Variants in SHANK2 observed in about 807,000 individuals in gnomAD.
SHANK2 encodes SH3 and multiple ankyrin repeat domains 2.
Under a neutral mutation model 133.7 loss-of-function variants are expected in SHANK2, and 43 were observed. The observed-to-expected ratio is 0.32, with a 90% CI of 0.25 to 0.41. SHANK2 has a LOEUF of 0.41. Ranked by LOEUF, SHANK2 falls within the 10% of genes least tolerant of loss-of-function variation. SHANK2 has a pLI of 1.00. For synonymous variants in SHANK2, 1,017 were observed against 952.8 expected (o/e 1.07, Z -1.24); for missense variants, 1,994 against 2,235.8 (o/e 0.89, Z 2.18).
chr11:71,158,421 A>G (rs1474706284), intron 2 of SHANK2, among the ~76,000 whole-genome samples: 1 of 152,272 alleles, frequency 6.6e-6, no homozygotes, highest in African/African-American at 2.4e-5. Flanking sequence ...ACCTTTGTGG[A>G]GAAAAGTAAT....
At position 70,820,529 on chromosome 11, in the gene SHANK2, C is replaced by T. The variant is rs782229916; in HGVS notation, c.1328G>A (p.Arg443His). 35 of 716,918 alleles carry T rather than the reference C, an allele frequency of 4.9e-5. No individual in the cohort carries two copies. Among genetic ancestry groups the T allele is most frequent in the South Asian group, 8.9e-5 (6 of 67,584 alleles). 44.4% of individuals were successfully genotyped at this position (716,918 alleles called of 1,614,324 possible). A position where few individuals can be genotyped will look rare whatever the true frequency, so the allele number is the denominator to read the frequency against. The change falls in exon 12 of 26, where the codon CGC becomes CAC. Residue 443 changes from arginine (R) to histidine (H), a missense_variant. By Grantham distance (29) the Arg-to-His change is conservative. Transcript: ENST00000601538. ...WAVCSTATSH[R>H]SLSPQLLQQM... ...CTGCAGCAGCTGGGGTGACAGGCTG[C>T]GGTGCGAGGTGGCCGTGGAGCAGAC... is the stretch of plus-strand genomic sequence containing the variant.
chr11:70,643,499 G>T (rs889680994), intron 17 of SHANK2, among the ~76,000 whole-genome samples: 2 of 151,078 alleles, frequency 1.3e-5, no homozygotes, highest in Non-Finnish European at 2.9e-5. Context: ...AGGAGGCGGA[G>T]CTTGCAGTGA....
intron 2 of SHANK2, among the ~76,000 whole-genome samples, chr11:71,163,416 G>A (rs190413345): frequency 6.6e-6 from 1 of 152,176 alleles, no homozygotes; most frequent in African/African-American, 2.4e-5. Flanking sequence ...ATGTGCTTGT[G>A]GGGGGATCTC....
chr11:70,651,798 C>A (rs1399494170), intron 17 of SHANK2, among the ~76,000 whole-genome samples: 1 of 152,166 alleles, frequency 6.6e-6, no homozygotes, highest in African/African-American at 2.4e-5. Flanking sequence ...TCAGCAGTCA[C>A]CCTGGGTTCC....
intron 3 of SHANK2, among the ~76,000 whole-genome samples, chr11:71,140,016 G>A (rs1353059867): frequency 6.6e-6 from 1 of 152,156 alleles, no homozygotes; most frequent in African/African-American, 2.4e-5. Flanking sequence ...CTGGGGCCTC[G>A]GTGCAGACTC....
intron 11 of SHANK2, among the ~76,000 whole-genome samples, chr11:70,829,507 C>A (rs530692696): frequency 6.6e-6 from 1 of 152,270 alleles, no homozygotes; most frequent in African/African-American, 2.4e-5. Context: ...TCTGCCCCGC[C>A]CACCCCCACC....
chr11:71,190,954 T>TG (rs1953781140), intron 2 of SHANK2, among the ~76,000 whole-genome samples: 1 of 151,786 alleles, frequency 6.6e-6, no homozygotes, highest in East Asian at 1.9e-4. Flanking sequence ...TCCCATGCAA[T>TG]GGGAGAAAGG....
At chr11:71,170,445 C>T (rs914410932) in intron 2 of SHANK2, among the ~76,000 whole-genome samples, 1 of 152,230 alleles carries the variant, frequency 6.6e-6, no homozygotes, top group Admixed American at 6.5e-5. Context: ...AACAATTAAA[C>T]TCAGCCGTGT....
At position 71,224,788 on chromosome 11, in the gene SHANK2, T is replaced by A. The variant is rs1954613932; in HGVS notation, c.-104A>T. On this transcript the variant is annotated 5_prime_UTR_variant, in exon 2 of 26. Coordinates refer to ENST00000601538, the MANE Select transcript of SHANK2 (RefSeq NM_012309.5). ...GGCCAAAGCAGGGTGCCTGGAGAGA[T>A]TTCCAGACCTGTGGAGAGATAATGA... 6.6e-6 allele frequency: 1 copy of A among 152,170 alleles called. No individual in the cohort carries two copies. The highest frequency in any genetic ancestry group is 2.4e-5 in the African/African-American group (1 of 41,420). 9.4% of individuals were successfully genotyped at this position (152,170 alleles called of 1,614,324 possible). A position where few individuals can be genotyped will look rare whatever the true frequency, so the allele number is the denominator to read the frequency against.
chr11:71,232,033 T>C (rs551801518), intron 1 of SHANK2, among the ~76,000 whole-genome samples: 4 of 152,128 alleles, frequency 2.6e-5, no homozygotes, highest in Non-Finnish European at 5.9e-5. Flanking sequence ...GGAACATTAC[T>C]CAGCAATAAA....
intron 8 of SHANK2, among the ~76,000 whole-genome samples, chr11:71,084,564 G>A (rs1951352255): frequency 6.6e-6 from 1 of 152,242 alleles, no homozygotes; most frequent in Non-Finnish European, 1.5e-5. Flanking sequence ...CCAGGTGCTA[G>A]AACAGAGACA....
chr11:70,924,608 G>C (rs1401364625), intron 10 of SHANK2, among the ~76,000 whole-genome samples: 3 of 152,142 alleles, frequency 2.0e-5, no homozygotes, highest in African/African-American at 7.2e-5. Context: ...AGGCACCCGT[G>C]ACCATGCCCG....
At chr11:70,632,968 G>A (rs373433808) in intron 17 of SHANK2, among the ~76,000 whole-genome samples, 33 of 152,074 alleles carry the variant, frequency 2.2e-4, no homozygotes, top group Middle Eastern at 6.8e-3. Context: ...ATGGATACGG[G>A]GCAGGGGGAC....
chr11:70,809,263 C>T (rs1555052710), intron 12 of SHANK2, among the ~76,000 whole-genome samples: 1 of 151,796 alleles, frequency 6.6e-6, no homozygotes, highest in Non-Finnish European at 1.5e-5. Context: ...ACCATGGTTC[C>T]CCTCCCAAAC....
intron 10 of SHANK2, among the ~76,000 whole-genome samples, chr11:70,942,166 G>A (rs12787669): frequency 0.21 from 31,575 of 151,918 alleles, 3,466 homozygotes; most frequent in Middle Eastern, 0.33. Context: ...CAGCCTGGGC[G>A]ACAGTGTGAG....
At chr11:70,850,592 C>G (rs1037171931) in intron 11 of SHANK2, among the ~76,000 whole-genome samples, 2 of 152,178 alleles carry the variant, frequency 1.3e-5, no homozygotes, top group Non-Finnish European at 2.9e-5. Context: ...CATGCACGCC[C>G]GAGCTGAGCT....
chr11:70,905,329 C>T (rs544256926), intron 10 of SHANK2, among the ~76,000 whole-genome samples: 38 of 152,310 alleles, frequency 2.5e-4, no homozygotes, highest in Middle Eastern at 3.4e-3. Context: ...GACGCCCACC[C>T]GCACACCCTT....
intron 17 of SHANK2, among the ~76,000 whole-genome samples, chr11:70,600,499 G>A (rs1015871739): frequency 6.6e-6 from 1 of 150,770 alleles, no homozygotes; most frequent in Admixed American, 6.6e-5. Context: ...GAAATGTAAA[G>A]AGCCAACGAT....
chr11:70,764,879 T>C (rs1398516903), intron 14 of SHANK2, among the ~76,000 whole-genome samples: 1 of 152,162 alleles, frequency 6.6e-6, no homozygotes, highest in Non-Finnish European at 1.5e-5. Flanking sequence ...ACATATTTAT[T>C]AGCACCTGTT....
Sources: allele counts gnomAD v4.1 joint callset (sites outside exome capture counted in the v4.1 genomes callset), GRCh38; gene constraint gnomAD v4.1.1; transcripts MANE v1.5; gene names NCBI Gene and HGNC (gene_info 2026-07-23, HGNC 2026-07-21).